MARCHF1: variants seen among roughly 807,000 people sequenced by gnomAD.
MARCHF1 encodes membrane associated ring-CH-type finger 1, also known as E3 ubiquitin-protein ligase MARCHF1.
Under a neutral mutation model 54.2 loss-of-function variants are expected in MARCHF1, and 40 were observed. The ratio of observed to expected loss-of-function variants is 0.74; its 90% CI spans 0.57 to 0.96. MARCHF1 has a LOEUF of 0.96. Among genes scored for constraint, MARCHF1 ranks in the 40% least tolerant of loss-of-function variants. The pLI is 0.00. For synonymous variants in MARCHF1, 236 were observed against 236.3 expected (o/e 1.00, Z 0.01); for missense variants, 586 against 656.5 (o/e 0.89, Z 1.17).
intron 2 of MARCHF1, among the ~76,000 whole-genome samples, chr4:164,097,753 A>T (rs1755446770): frequency 1.3e-5 from 2 of 152,160 alleles, no homozygotes; most frequent in East Asian, 3.9e-4. Flanking sequence ...ATTTTCCAGA[A>T]TCTCCTTCCC....
At chr4:164,115,988 A>G (rs996980431) in intron 1 of MARCHF1, among the ~76,000 whole-genome samples, 1 of 152,052 alleles carries the variant, frequency 6.6e-6, no homozygotes, top group African/African-American at 2.4e-5. Context: ...TTTAGAATAG[A>G]GAAAAACTTT....
At chr4:164,157,628 T>A (rs532808414) in intron 1 of MARCHF1, among the ~76,000 whole-genome samples, 1 of 152,246 alleles carries the variant, frequency 6.6e-6, no homozygotes, top group African/African-American at 2.4e-5. Flanking sequence ...TGTCTCTGTC[T>A]AGCATCTGGG....
intron 5 of MARCHF1, among the ~76,000 whole-genome samples, chr4:163,622,668 G>A (rs1470830221): frequency 1.3e-5 from 2 of 152,084 alleles, no homozygotes; most frequent in Admixed American, 6.6e-5. Context: ...AAGTTATCTC[G>A]ATGCCGAGTT....
chr4:164,259,566 GAA>G (rs1560977880), intron 1 of MARCHF1, among the ~76,000 whole-genome samples: 7 of 103,066 alleles, frequency 6.8e-5, no homozygotes, highest in African/African-American at 2.6e-4. Flanking sequence ...AAAAAAAAAA[GAA>G]AAAAGAAAAA....
intron 8 of MARCHF1, among the ~76,000 whole-genome samples, chr4:163,561,145 A>G (rs1186204073): frequency 6.6e-6 from 1 of 152,182 alleles, no homozygotes; most frequent in Non-Finnish European, 1.5e-5. Context: ...TATATCATGT[A>G]CATGTATTTC....
chr4:164,362,010 T>C (rs934628250), intron 1 of MARCHF1, among the ~76,000 whole-genome samples: 1 of 152,122 alleles, frequency 6.6e-6, no homozygotes, highest in Non-Finnish European at 1.5e-5. Flanking sequence ...GGGTAAATTA[T>C]GCACTTGTAG....
chr4:163,913,345 T>G (rs1335517871), intron 3 of MARCHF1, among the ~76,000 whole-genome samples: 1 of 152,172 alleles, frequency 6.6e-6, no homozygotes, highest in African/African-American at 2.4e-5. Context: ...CTGCTTCTGT[T>G]TTAATGTGTA....
chr4:164,319,919 C>A (rs1423157100), intron 1 of MARCHF1, among the ~76,000 whole-genome samples: 2 of 151,962 alleles, frequency 1.3e-5, no homozygotes, highest in South Asian at 2.1e-4. Flanking sequence ...ACATAATAAA[C>A]CCCTAAGCCC....
rs57433858 is a variant in MARCHF1 at position 164,109,912 on chromosome 4, TAAAAA to T, written c.-248+1671_-248+1675del. On this transcript the variant is annotated intron_variant, in intron 2 of 9. Transcript: ENST00000514618. ...CATACCCCTGAACCTAAAATAAAAG[TAAAAA>T]AAAAAAAAAAAAAAAAAAAGAAAAT... is the stretch of plus-strand genomic sequence containing the variant. Among the ~76,000 whole-genome samples the T allele has an allele frequency of 9.5e-5, 6 of 63,154 alleles. No homozygotes were observed. In the South Asian group the frequency reaches 2.2e-3, roughly 23 times the overall value. 41.4% of individuals were successfully genotyped at this position (63,154 alleles called of 152,430 possible). A position where few individuals can be genotyped will look rare whatever the true frequency, so the allele number is the denominator to read the frequency against.
At chr4:164,091,434 A>ATATATATATATATATATATATATAT (rs56887424) in intron 2 of MARCHF1, among the ~76,000 whole-genome samples, 14 of 147,048 alleles carry the variant, frequency 9.5e-5, no homozygotes, top group East Asian at 2.0e-4. Flanking sequence ...ATATATGTAT[A>ATATATATATATATATATATATATAT]AAATGAATTG....
At position 164,237,574 on chromosome 4, in the gene MARCHF1, GATC is replaced by G. The variant is rs370477764; in HGVS notation, c.-322-125915_-322-125913del. ...ATGCACACACACAAGACAGAAATAT[GATC>G]ATATCAGAAATAAAATTTTATAATT... On this transcript the variant is annotated intron_variant, in intron 1 of 9. Coordinates refer to ENST00000514618, the MANE Select transcript of MARCHF1 (RefSeq NM_001394959.1). 1.3e-3 allele frequency among the ~76,000 whole-genome samples: 193 copies of G among 152,082 alleles called. No homozygotes were observed. In the South Asian group the frequency reaches 0.016, roughly 13 times the overall value.
chr4:163,708,331 G>A (rs1745009620), intron 4 of MARCHF1, among the ~76,000 whole-genome samples: 2 of 151,940 alleles, frequency 1.3e-5, no homozygotes, highest in Admixed American at 6.6e-5. Context: ...TAACATCTTT[G>A]TGTCCTTATT....
chr4:164,300,882 G>C (rs966664039), intron 1 of MARCHF1, among the ~76,000 whole-genome samples: 8 of 152,074 alleles, frequency 5.3e-5, no homozygotes, highest in African/African-American at 1.9e-4. Flanking sequence ...TTACCCATTT[G>C]CCCAGTCTCA....
chr4:164,304,844 C>CGTTT (rs1734657194), intron 1 of MARCHF1, among the ~76,000 whole-genome samples: 1 of 152,040 alleles, frequency 6.6e-6, no homozygotes, highest in South Asian at 2.1e-4. Context: ...GGAGGTTTTA[C>CGTTT]GTTTGTTTGT....
rs1303548572 is a variant in MARCHF1 at position 164,234,485 on chromosome 4, A to T, written c.-322-122823T>A. 2.0e-5 allele frequency among the ~76,000 whole-genome samples: 3 copies of T among 152,058 alleles called. No individual in the cohort carries two copies. The East Asian group carries it at 5.8e-4, about 29-fold the overall frequency. On this transcript the variant is annotated intron_variant, in intron 1 of 9. Transcript: ENST00000514618. ...TATTCAGTGAAATTAATTTATTGACACTCCTATGATAGAATAAATGACCAA... is the reference window on the plus strand; with the variant it reads ...TATTCAGTGAAATTAATTTATTGACTCTCCTATGATAGAATAAATGACCAA...
At chr4:163,614,468 T>C (rs1179332721) in intron 5 of MARCHF1, among the ~76,000 whole-genome samples, 2 of 152,066 alleles carry the variant, frequency 1.3e-5, no homozygotes, top group Non-Finnish European at 2.9e-5. Flanking sequence ...CCTGTTTGAC[T>C]GCAGAGATGA....
intron 4 of MARCHF1, among the ~76,000 whole-genome samples, chr4:163,828,014 TACACACACACAC>T (rs748460236): frequency 0.1 from 12,409 of 124,542 alleles, 703 homozygotes; most frequent in Non-Finnish European, 0.15. Flanking sequence ...TGCGCAGGCA[TACACACACACAC>T]ACACACACAC....
chr4:164,048,842 T>A (rs543070756), intron 2 of MARCHF1, among the ~76,000 whole-genome samples: 2 of 152,274 alleles, frequency 1.3e-5, no homozygotes, highest in South Asian at 2.1e-4. Flanking sequence ...GCTGCTTTCA[T>A]AAAAGATTTT....
rs112370990 is a variant in MARCHF1 at position 163,971,170 on chromosome 4, G to A, written c.-39+17331C>T. 2.7e-3 allele frequency among the ~76,000 whole-genome samples: 406 copies of A among 152,090 alleles called. 1 individual carries two copies. Among genetic ancestry groups the A allele is most frequent in the Non-Finnish European group, 4.5e-3 (308 of 68,004 alleles). ...TGCAAGTAGGAGTAAACAAGAGTAG[G>A]CAATTTCAGATAGTGATCCATATTA... is the stretch of plus-strand genomic sequence containing the variant. On this transcript the variant is annotated intron_variant, in intron 3 of 9. Coordinates refer to ENST00000514618, the MANE Select transcript of MARCHF1 (RefSeq NM_001394959.1).
Sources: allele counts gnomAD v4.1 joint callset (sites outside exome capture counted in the v4.1 genomes callset), GRCh38; gene constraint gnomAD v4.1.1; transcripts MANE v1.5; gene names NCBI Gene and HGNC (gene_info 2026-07-23, HGNC 2026-07-21).